Variants in KLF17 observed in about 807,000 individuals in gnomAD.
KLF17 encodes KLF transcription factor 17.
A neutral mutation model predicts 34.2 loss-of-function variants in KLF17; 31 were observed. The ratio of observed to expected loss-of-function variants is 0.91; its 90% confidence interval spans 0.68 to 1.22. KLF17 has a LOEUF of 1.22. Ranked by LOEUF, KLF17 falls within the 50% of genes most tolerant of loss-of-function variation. The probability of loss-of-function intolerance (pLI) is 0.00; values close to 1 mark genes in which losing one functional copy is unlikely to be tolerated. For synonymous variants in KLF17, 179 were observed against 186.7 expected, an observed-to-expected ratio of 0.96 and a Z score of 0.34; for missense variants, 478 against 505.2, an observed-to-expected ratio of 0.95 and a Z score of 0.52.
upstream of KLF17, among the ~76,000 whole-genome samples, chr1:44,116,109 A>G (rs2087877184): frequency 6.6e-6 from 1 of 152,304 alleles, no homozygotes; most frequent in Admixed American, 6.5e-5. Flanking sequence ...CCTAAATGCC[A>G]TGTTGGGAGA....
At chr1:44,125,655 A>G (rs2087998982) in intron 1 of KLF17, among the ~76,000 whole-genome samples, 1 of 151,988 alleles carries the variant, frequency 6.6e-6, no homozygotes, top group South Asian at 2.1e-4. Context: ...TTTAGTTGAG[A>G]CGGGGTTTCA....
chr1:44,044,342 TG>T, the KLF17 span, among the ~76,000 whole-genome samples: 2 of 152,160 alleles, frequency 1.3e-5, no homozygotes, highest in African/African-American at 4.8e-5. Context: ...GGCAATGTAT[TG>T]GGGGTGACTC....
chr1:44,088,715 TG>T, the KLF17 span, among the ~76,000 whole-genome samples: 4 of 152,090 alleles, frequency 2.6e-5, no homozygotes, highest in South Asian at 8.3e-4. Context: ...TGAACTTTGG[TG>T]GGGGGCACAA....
the KLF17 span, among the ~76,000 whole-genome samples, chr1:44,096,709 T>A: frequency 6.7e-6 from 1 of 149,744 alleles, no homozygotes; most frequent in East Asian, 2.0e-4. Context: ...CTACGGTTTT[T>A]AAAAAAAAAT....
chr1:44,089,462 G>A, the KLF17 span, among the ~76,000 whole-genome samples: 8 of 152,138 alleles, frequency 5.3e-5, no homozygotes, highest in African/African-American at 1.7e-4. Context: ...TACCAGCTAC[G>A]GATTGCTGGG....
At chr1:44,116,147 G>A (rs1029288635), upstream of KLF17, among the ~76,000 whole-genome samples, 4 of 152,218 alleles carry the variant, frequency 2.6e-5, no homozygotes, top group African/African-American at 7.2e-5. Context: ...AACTGAAAGA[G>A]GCATCAAATG....
the KLF17 span, chr1:44,104,771 T>C: frequency 2.6e-4 from 66 of 254,490 alleles, no homozygotes; most frequent in East Asian, 5.2e-3. Context: ...GAGAAATATA[T>C]TGTGATATAT....
At chr1:44,078,771 C>T in the KLF17 span, among the ~76,000 whole-genome samples, 9 of 152,102 alleles carry the variant, frequency 5.9e-5, no homozygotes, top group Admixed American at 3.9e-4. Flanking sequence ...TGGATGCCAG[C>T]AGGCAGCTTC....
the KLF17 span, among the ~76,000 whole-genome samples, chr1:44,087,189 G>A: frequency 7.9e-5 from 12 of 152,132 alleles, no homozygotes; most frequent in Admixed American, 5.9e-4. Flanking sequence ...GTCAGTTCAG[G>A]CTGCCGTAAC....
At chr1:44,130,857 C>T (rs996897149) in intron 3 of KLF17, 101 bp downstream of exon 3, 20 of 1,179,688 alleles carry the variant, frequency 1.7e-5, no homozygotes, top group Admixed American at 1.3e-4. Context: ...AGTGCAGTGG[C>T]GCAATTCGGT....
the KLF17 span, chr1:44,051,966 A>T: frequency 6.6e-6 from 1 of 152,170 alleles, no homozygotes; most frequent in Admixed American, 6.5e-5. Context: ...CGGCATTGAC[A>T]TTCCCTCTTT....
At chr1:44,107,832 T>C in the KLF17 span, among the ~76,000 whole-genome samples, 1 of 152,212 alleles carries the variant, frequency 6.6e-6, no homozygotes, top group Admixed American at 6.5e-5. Flanking sequence ...CTGTGTGTAA[T>C]TTATACATTA....
chr1:44,126,849 T>A (rs190536557), intron 1 of KLF17, among the ~76,000 whole-genome samples: 11 of 152,014 alleles, frequency 7.2e-5, no homozygotes, highest in Admixed American at 2.0e-4. Context: ...AAATATATAT[T>A]TTTTACCTTG....
chr1:44,101,147 C>G, the KLF17 span, among the ~76,000 whole-genome samples: 3 of 152,146 alleles, frequency 2.0e-5, no homozygotes, highest in African/African-American at 7.2e-5. Context: ...CACTCAGATT[C>G]CTCAGATGTT....
the KLF17 span, chr1:44,074,909 G>A: frequency 1.3e-5 from 2 of 152,316 alleles, no homozygotes; most frequent in South Asian, 2.1e-4. Context: ...TGGGACCCCA[G>A]TCACTGCTCC....
the KLF17 span, chr1:44,076,869 T>A: frequency 6.6e-6 from 1 of 150,392 alleles, no homozygotes; most frequent in South Asian, 2.1e-4. Context: ...GAACTACAGG[T>A]GTGCACCACT....
the KLF17 span, among the ~76,000 whole-genome samples, chr1:44,090,304 T>C: frequency 6.9e-4 from 6 of 8,748 alleles, no homozygotes; most frequent in African/African-American, 3.6e-3. Context: ...ATCTTGTCTC[T>C]ACAAAAAAAA....
chr1:44,046,630 C>T, the KLF17 span, among the ~76,000 whole-genome samples: 3 of 151,982 alleles, frequency 2.0e-5, no homozygotes, highest in Non-Finnish European at 4.4e-5. Flanking sequence ...TTTAACAGCT[C>T]AGGAAATGGA....
the KLF17 span, among the ~76,000 whole-genome samples, chr1:44,078,871 G>A: frequency 6.6e-6 from 1 of 152,046 alleles, no homozygotes; most frequent in Admixed American, 6.6e-5. Flanking sequence ...CTGGTCTGTG[G>A]TACCTTCTCT....
Sources: allele counts gnomAD v4.1 joint callset (sites outside exome capture counted in the v4.1 genomes callset), GRCh38; gene constraint gnomAD v4.1.1; transcripts MANE v1.5; gene names NCBI Gene and HGNC (gene_info 2026-07-23, HGNC 2026-07-21).